The following NFAT5 variants were observed in gnomAD, a reference collection of about 807,000 sequenced individuals.
NFAT5 encodes the protein nuclear factor of activated T cells 5.
NFAT5 carries 31 observed loss-of-function variants against 166.5 expected under a neutral mutation model. The observed-to-expected ratio is 0.19, with a 90% CI of 0.14 to 0.25. The LOEUF (loss-of-function observed/expected upper bound fraction) is 0.25, where lower values mean the gene tolerates loss of function less well. NFAT5 is among the 10% of genes least tolerant of loss of function. The pLI is 1.00. For synonymous variants in NFAT5, 612 were observed against 639.7 expected, an observed-to-expected ratio of 0.96 and a Z score of 0.65; for missense variants, 1,449 against 1,821.8, an observed-to-expected ratio of 0.80 and a Z score of 3.72.
chr16:69,640,054 A>G (rs2035136713), intron 3 of NFAT5, among the ~76,000 whole-genome samples: 1 of 152,148 alleles, frequency 6.6e-6, no homozygotes, highest in Non-Finnish European at 1.5e-5. Flanking sequence ...CAGCCCTACA[A>G]TTTTTGTTTT....
At chr16:69,669,904 G>T in intron 7 of NFAT5, 73 bp from the exon 8 acceptor site, 1 of 1,337,250 alleles carries the variant, frequency 7.5e-7, no homozygotes, top group Non-Finnish European at 1.0e-6. Flanking sequence ...AGAACCGGAT[G>T]ATTGCAAGTT....
Position 69,693,615 on chromosome 16 carries a change from C to T in NFAT5, c.3790C>T (p.Pro1264Ser). The change falls in exon 13 of 15, where the codon CCA becomes TCA. Residue 1264 changes from proline (P) to serine (S), a missense_variant. By Grantham distance (74) the Pro-to-Ser change is moderately conservative. This residue lies in a region of NFAT5 where 891 missense variants were observed against 993.0 expected (regional missense o/e 0.90). Coordinates refer to ENST00000349945, the MANE Select transcript of NFAT5 (RefSeq NM_138713.4). ...HSIVAMQSNS[P>S]SQEQQQQQQQ... is the part of the protein sequence containing the mutation. ...AATAGTTGCCATGCAGAGTAACTCT[C>T]CATCCCAGGAACAGCAGCAGCAGCA... 1 of 1,614,174 alleles carries T rather than the reference C, an allele frequency of 6.2e-7. No individual in the cohort carries two copies. The highest frequency in any genetic ancestry group is 8.5e-7 in the Non-Finnish European group (1 of 1,180,042).
chr16:69,606,990 C>T (rs2033446190), intron 2 of NFAT5, among the ~76,000 whole-genome samples: 1 of 152,176 alleles, frequency 6.6e-6, no homozygotes, highest in Non-Finnish European at 1.5e-5. Context: ...GTAACACCTC[C>T]TCATTGCTAA....
intron 1 of NFAT5, among the ~76,000 whole-genome samples, chr16:69,567,816 T>G (rs1436117249): frequency 6.6e-6 from 1 of 152,142 alleles, no homozygotes; most frequent in Non-Finnish European, 1.5e-5. Flanking sequence ...CAAGAGATGA[T>G]TCTTAGAGCA....
chr16:69,608,743 T>A (rs1381785571), intron 2 of NFAT5, among the ~76,000 whole-genome samples: 2 of 151,044 alleles, frequency 1.3e-5, no homozygotes, highest in African/African-American at 4.9e-5. Flanking sequence ...GCCTCCCAAG[T>A]AGCTGGGACT....
At chr16:69,688,847 CAAG>C (rs1284756550) in intron 11 of NFAT5, among the ~76,000 whole-genome samples, 1 of 150,886 alleles carries the variant, frequency 6.6e-6, no homozygotes, top group African/African-American at 2.5e-5. Context: ...AATTCAAAAG[CAAG>C]AATAGTAGTT....
rs1424018555 is a variant in NFAT5 at position 69,653,359 on chromosome 16, T to C, written c.936T>C (p.Ala312=). The C allele has an allele frequency of 6.2e-7, 1 of 1,612,286 alleles. No homozygotes were observed. The highest frequency in any genetic ancestry group is 8.5e-7 in the Non-Finnish European group (1 of 1,179,542). Reference sequence around the variant, plus strand: ...TACAACCTGAGACACAGCACCGAGCTCGGTACCTGACTGAGGGCAGCCGTG... The same window carrying C: ...TACAACCTGAGACACAGCACCGAGCCCGGTACCTGACTGAGGGCAGCCGTG... ...IVVQPETQHR[A]RYLTEGSRGS... The change falls in exon 5 of 15, where the codon GCT becomes GCC. Residue 312 remains alanine, a synonymous_variant. Transcript: ENST00000349945.
intron 2 of NFAT5, among the ~76,000 whole-genome samples, chr16:69,615,216 AT>A (rs1207315345): frequency 6.6e-6 from 1 of 151,640 alleles, no homozygotes; most frequent in African/African-American, 2.4e-5. Context: ...TAATTTTTGT[AT>A]TTTACTAGAG....
rs145602190 is a variant in NFAT5, at chr16:69,693,577, A to G, written c.3752A>G (p.Gln1251Arg). Reference sequence around the variant, plus strand: ...CAAAGCCAACAAGGAACCATGTTCCAGTCACAGCACTCAATAGTTGCCATG... The same window carrying G: ...CAAAGCCAACAAGGAACCATGTTCCGGTCACAGCACTCAATAGTTGCCATG... The part of the protein sequence containing the change: ...MPQSQQGTMF[Q>R]SQHSIVAMQS... The change falls in exon 13 of 15, where the codon CAG (glutamine) becomes CGG (arginine). Residue 1251 changes from glutamine to arginine, a missense_variant. Gln to Arg is a conservative substitution (Grantham distance 43, BLOSUM62 1). Coordinates refer to ENST00000349945, the MANE Select transcript of NFAT5 (RefSeq NM_138713.4). 5.1e-3 allele frequency: 8,165 copies of G among 1,614,176 alleles called. 30 individuals carry two copies. The highest frequency in any genetic ancestry group is 6.3e-3 in the Non-Finnish European group (7,404 of 1,180,032).
intron 3 of NFAT5, among the ~76,000 whole-genome samples, chr16:69,641,241 G>A (rs2151609632): frequency 7.5e-6 from 1 of 132,558 alleles, no homozygotes; most frequent in East Asian, 2.2e-4. Flanking sequence ...TTGTGCCACT[G>A]CATTCCAGCC....
chr16:69,659,849 A>G lies in NFAT5; in HGVS notation c.1319A>G (p.Lys440Arg). 1 of 1,614,096 alleles carries G rather than the reference A, an allele frequency of 6.2e-7. No individual in the cohort carries two copies. The highest frequency in any genetic ancestry group is 8.5e-7 in the Non-Finnish European group (1 of 1,179,984). Reference sequence around the variant, plus strand: ...GTTTTTCGAGTTAATATCATGAGGAAAGATGGCTCCACTTTGACACTGCAA... The same window carrying G: ...GTTTTTCGAGTTAATATCATGAGGAGAGATGGCTCCACTTTGACACTGCAA... ...RLVFRVNIMR[K>R]DGSTLTLQTP... is the part of the protein sequence containing the mutation. Residue 440 changes from lysine (K) to arginine (R), a missense_variant, in exon 7 of 15, where the codon AAA (lysine) becomes AGA (arginine). Lys to Arg is a conservative substitution (Grantham distance 26). Around this residue, in one of 7 missense-constraint regions of NFAT5, gnomAD observed 245 missense variants for 366.6 expected, o/e 0.67. Transcript: ENST00000349945.
At chr16:69,587,800 A>G (rs1424981365) in intron 2 of NFAT5, among the ~76,000 whole-genome samples, 1 of 152,182 alleles carries the variant, frequency 6.6e-6, no homozygotes, top group East Asian at 1.9e-4. Flanking sequence ...GAGAATAGGA[A>G]TATGACTCTG....
intron 3 of NFAT5, among the ~76,000 whole-genome samples, chr16:69,642,966 T>C (rs2035278573): frequency 1.3e-5 from 2 of 151,910 alleles, no homozygotes; most frequent in African/African-American, 4.8e-5. Context: ...GCCTGTAATC[T>C]CAGCACGTCA....
At chr16:69,600,128 A>T (rs2033045636) in intron 2 of NFAT5, among the ~76,000 whole-genome samples, 1 of 150,622 alleles carries the variant, frequency 6.6e-6, no homozygotes, top group African/African-American at 2.5e-5. Context: ...GAGAAAGAAA[A>T]AGACAGGATT....
intron 2 of NFAT5, among the ~76,000 whole-genome samples, chr16:69,594,369 C>T (rs890529205): frequency 1.3e-5 from 2 of 152,158 alleles, no homozygotes; most frequent in East Asian, 1.9e-4. Flanking sequence ...GGCATGACAT[C>T]ACTAGGAGAT....
intron 1 of NFAT5, among the ~76,000 whole-genome samples, chr16:69,567,994 A>G (rs2016175461): frequency 6.6e-6 from 1 of 152,146 alleles, no homozygotes; most frequent in Non-Finnish European, 1.5e-5. Flanking sequence ...ATATATTCAC[A>G]AATATGGGCT....
intron 2 of NFAT5, among the ~76,000 whole-genome samples, chr16:69,617,927 T>G (rs1265341189): frequency 1.3e-5 from 2 of 151,856 alleles, no homozygotes; most frequent in Non-Finnish European, 2.9e-5. Flanking sequence ...GAGGCCAAGG[T>G]GGGCGGATCA....
At chr16:69,663,333 T>A (rs1348511958) in intron 7 of NFAT5, among the ~76,000 whole-genome samples, 1 of 152,184 alleles carries the variant, frequency 6.6e-6, no homozygotes, top group African/African-American at 2.4e-5. Flanking sequence ...AGATCATCCC[T>A]TTTTACATTC....
intron 2 of NFAT5, among the ~76,000 whole-genome samples, chr16:69,620,873 A>G (rs575052458): frequency 3.3e-5 from 5 of 152,304 alleles, no homozygotes; most frequent in South Asian, 2.1e-4. Context: ...TTTTAAGCCT[A>G]TGTCATTTGA....
Sources: allele counts gnomAD v4.1 joint callset (sites outside exome capture counted in the v4.1 genomes callset), GRCh38; gene constraint gnomAD v4.1.1; regional missense constraint gnomAD v4.1.1; transcripts MANE v1.5; gene names NCBI Gene and HGNC (gene_info 2026-07-23, HGNC 2026-07-21).